The following PRDM6 variants were observed in gnomAD, a reference collection of about 807,000 sequenced individuals.
The protein encoded by PRDM6 is PR/SET domain 6.
PRDM6 carries 25 observed loss-of-function variants against 60.8 expected under a neutral mutation model. That is an observed-to-expected ratio of 0.41 (90% CI 0.30 to 0.57). PRDM6 has a LOEUF of 0.57. PRDM6 is among the 20% of genes least tolerant of loss of function. PRDM6 has a pLI of 0.27. For synonymous variants in PRDM6, 407 were observed against 357.4 expected (o/e 1.14, Z -1.57); for missense variants, 839 against 821.3 (o/e 1.02, Z -0.26).
intron 3 of PRDM6, among the ~76,000 whole-genome samples, chr5:123,154,028 G>T (rs906838966): frequency 6.6e-6 from 1 of 152,104 alleles, no homozygotes; most frequent in South Asian, 2.1e-4. Flanking sequence ...GGAACCAAAT[G>T]GCTTTGGTCA....
At chr5:123,135,037 ATAAT>A (rs1022993998) in intron 3 of PRDM6, among the ~76,000 whole-genome samples, 8 of 151,054 alleles carry the variant, frequency 5.3e-5, no homozygotes, top group African/African-American at 1.9e-4. Flanking sequence ...TACTCCTTAA[ATAAT>A]TAAAAACTTT....
intron 3 of PRDM6, among the ~76,000 whole-genome samples, chr5:123,136,309 A>G (rs1408661592): frequency 6.6e-6 from 1 of 152,038 alleles, no homozygotes; most frequent in Non-Finnish European, 1.5e-5. Context: ...CACCACTTCT[A>G]TTTTATTTCT....
intron 3 of PRDM6, among the ~76,000 whole-genome samples, chr5:123,123,379 T>G (rs2150219090): frequency 6.6e-6 from 1 of 152,296 alleles, no homozygotes; most frequent in East Asian, 1.9e-4. Flanking sequence ...TTCAAAGCTT[T>G]TGGCTCTCAT....
rs1440055388 is a variant in PRDM6, at chr5:123,193,107, C to T, written c.*5906C>T. 6.6e-6 allele frequency: 1 copy of T among 152,206 alleles called. No homozygotes were observed. The highest frequency in any genetic ancestry group is 6.5e-5 in the Admixed American group (1 of 15,274). 9.4% of individuals were successfully genotyped at this position (152,206 alleles called of 1,614,324 possible). A position where few individuals can be genotyped will look rare whatever the true frequency, so the allele number is the denominator to read the frequency against. Reference sequence around the variant, plus strand: ...TTTATTGAAACCACAATGTATACTACTTTCCTCCAGATTCTGATTCTAATG... The same window carrying T: ...TTTATTGAAACCACAATGTATACTATTTTCCTCCAGATTCTGATTCTAATG... On this transcript the variant is annotated 3_prime_UTR_variant, in exon 8 of 8. Coordinates refer to ENST00000407847, the MANE Select transcript of PRDM6 (RefSeq NM_001136239.4).
chr5:123,120,816 A>G (rs1282471046), intron 3 of PRDM6, among the ~76,000 whole-genome samples: 1 of 152,220 alleles, frequency 6.6e-6, no homozygotes, highest in Non-Finnish European at 1.5e-5. Flanking sequence ...ATCTAGGTTA[A>G]TAGATTTTCA....
At chr5:123,166,831 G>A (rs1201164675) in intron 5 of PRDM6, among the ~76,000 whole-genome samples, 7 of 152,202 alleles carry the variant, frequency 4.6e-5, no homozygotes, top group Admixed American at 3.9e-4. Context: ...TTCCTTGACT[G>A]TATCCTTTAA....
intron 7 of PRDM6, among the ~76,000 whole-genome samples, chr5:123,183,081 AC>A (rs1766202395): frequency 6.6e-6 from 1 of 152,172 alleles, no homozygotes; most frequent in Non-Finnish European, 1.5e-5. Flanking sequence ...ATTTTTAAAA[AC>A]CTTTTTTTTG....
At chr5:123,142,633 A>T (rs564473498) in intron 3 of PRDM6, among the ~76,000 whole-genome samples, 2 of 152,264 alleles carry the variant, frequency 1.3e-5, no homozygotes, top group East Asian at 1.9e-4. Context: ...CCATTGACTC[A>T]CTAAATCCAG....
At chr5:123,098,923 C>G (rs893620657) in intron 2 of PRDM6, among the ~76,000 whole-genome samples, 1 of 146,206 alleles carries the variant, frequency 6.8e-6, no homozygotes, top group African/African-American at 2.5e-5. Context: ...CCCTTGGAGT[C>G]CTGGGGCTGC....
rs143986109 is a variant in PRDM6, at chr5:123,101,103, C to A, written c.900+1142C>A. On this transcript the variant is annotated intron_variant, in intron 3 of 7. Transcript: ENST00000407847. ...TGGCCTGTCAAAATGATCTTTTTCACTGTGAGCTGCCTTATATTCACTAAA... is the reference window on the plus strand; with the variant it reads ...TGGCCTGTCAAAATGATCTTTTTCAATGTGAGCTGCCTTATATTCACTAAA... Among the ~76,000 whole-genome samples the A allele has an allele frequency of 1.6e-3, 239 of 152,320 alleles. 3 individuals are homozygous for A. The highest frequency in any genetic ancestry group is 5.6e-3 in the African/African-American group (232 of 41,576).
At chr5:123,124,644 A>C (rs1764653258) in intron 3 of PRDM6, among the ~76,000 whole-genome samples, 1 of 152,224 alleles carries the variant, frequency 6.6e-6, no homozygotes, top group Non-Finnish European at 1.5e-5. Context: ...AGGGATTAAA[A>C]TGGCTCTTCC....
rs1206477529 is a variant in PRDM6, at chr5:123,099,675, A to G, written c.614A>G (p.Asn205Ser). Residue 205 changes from asparagine (N) to serine (S), a missense_variant, in exon 3 of 8, where the codon AAC (asparagine) becomes AGC (serine). By Grantham distance (46) the Asn-to-Ser change is conservative (BLOSUM62 1). Around this residue, in one of 2 missense-constraint regions of PRDM6, gnomAD observed 730 missense variants for 648.8 expected, o/e 1.13. Coordinates refer to ENST00000407847, the MANE Select transcript of PRDM6 (RefSeq NM_001136239.4). The surrounding 1 kb of genome is among the most constrained non-coding windows in gnomAD (Gnocchi z 4.0). Reference sequence around the variant, plus strand: ...GCAGGTTGCGACATGTGCGCGGACAACCGCAACGGCGAGTGCCCTATGCAT... The same window carrying G: ...GCAGGTTGCGACATGTGCGCGGACAGCCGCAACGGCGAGTGCCCTATGCAT... ...PNNRCDMCAD[N>S]RNGECPMHGP... 8 of 1,468,076 alleles carry G rather than the reference A, an allele frequency of 5.4e-6. No individual in the cohort carries two copies. Among genetic ancestry groups the G allele is most frequent in the East Asian group, 2.6e-5 (1 of 38,544 alleles). 90.9% of individuals were successfully genotyped at this position (1,468,076 alleles called of 1,614,324 possible). A position where few individuals can be genotyped will look rare whatever the true frequency, so the allele number is the denominator to read the frequency against.
chr5:123,136,554 A>G (rs1764957308), intron 3 of PRDM6, among the ~76,000 whole-genome samples: 1 of 152,210 alleles, frequency 6.6e-6, no homozygotes, highest in South Asian at 2.1e-4. Context: ...TTACACATAT[A>G]TTTTAGCACA....
Position 123,191,817 on chromosome 5 carries a change from A to G in PRDM6, c.*4616A>G, listed in dbSNP as rs1211870257. On this transcript the variant is annotated 3_prime_UTR_variant, in exon 8 of 8. Coordinates refer to ENST00000407847, the MANE Select transcript of PRDM6 (RefSeq NM_001136239.4). The stretch of plus-strand genomic sequence containing the variant: ...ATTGCATTCTACAAACCCAGAGATC[A>G]GCTGTCAGGTACAACTGGCCAGACA... The G allele has an allele frequency of 6.6e-6, 1 of 152,224 alleles. No individual in the cohort carries two copies. The highest frequency in any genetic ancestry group is 1.5e-5 in the Non-Finnish European group (1 of 68,028). 9.4% of individuals were successfully genotyped at this position (152,224 alleles called of 1,614,324 possible).
chr5:123,150,226 C>T (rs1233087418), intron 3 of PRDM6, among the ~76,000 whole-genome samples: 1 of 151,940 alleles, frequency 6.6e-6, no homozygotes, highest in African/African-American at 2.4e-5. Context: ...TCTCAGTTTC[C>T]TTAAGAGGTT....
At chr5:123,162,436 C>CTGAG (rs1765656127) in intron 5 of PRDM6, among the ~76,000 whole-genome samples, 1 of 152,244 alleles carries the variant, frequency 6.6e-6, no homozygotes, top group Admixed American at 6.5e-5. Flanking sequence ...AGTGTCTAAC[C>CTGAG]TGAGTGAAGC....
chr5:123,095,292 G>A (rs1316265979), intron 2 of PRDM6, among the ~76,000 whole-genome samples: 2 of 152,260 alleles, frequency 1.3e-5, no homozygotes, highest in African/African-American at 4.8e-5. Context: ...CAGGAGCGGG[G>A]TGGGACCTTC....
intron 3 of PRDM6, among the ~76,000 whole-genome samples, chr5:123,152,585 T>C (rs1006898192): frequency 3.3e-5 from 5 of 152,240 alleles, no homozygotes; most frequent in African/African-American, 1.2e-4. Flanking sequence ...ATTATGCTTA[T>C]GTTAAAACGA....
At chr5:123,153,042 T>C (rs887531774) in intron 3 of PRDM6, among the ~76,000 whole-genome samples, 8 of 152,156 alleles carry the variant, frequency 5.3e-5, no homozygotes, top group Admixed American at 6.6e-5. Context: ...CCAAAAGCAA[T>C]GGTTTGAAAA....
Sources: gnomAD v4.1 joint callset for allele counts (sites outside exome capture counted in the v4.1 genomes callset) on GRCh38, gnomAD v4.1.1 for gene constraint, gnomAD v4.1.1 regional missense constraint, Gnocchi (gnomAD v3.1) non-coding constraint, MANE v1.5 for transcripts, NCBI Gene and HGNC (gene_info 2026-07-23, HGNC 2026-07-21) for gene names.